Variants in CUL4A observed in about 807,000 individuals in gnomAD.
CUL4A encodes cullin-4A.
A neutral mutation model predicts 95.5 loss-of-function variants in CUL4A; 16 were observed. That is an observed-to-expected ratio of 0.17 (90% CI 0.11 to 0.25). The LOEUF (loss-of-function observed/expected upper bound fraction) is 0.25. Among genes scored for constraint, CUL4A ranks in the 10% least tolerant of loss-of-function variants. The probability of loss-of-function intolerance (pLI) is 1.00; values close to 1 mark genes in which losing one functional copy is unlikely to be tolerated. For synonymous variants in CUL4A, 380 were observed against 353.1 expected, an observed-to-expected ratio of 1.08 and a Z score of -0.85; for missense variants, 610 against 937.0, an observed-to-expected ratio of 0.65 and a Z score of 4.56.
At chr13:113,235,250 T>A in intron 8 of CUL4A, 105 bp downstream of exon 8, 1 of 730,500 alleles carries the variant, frequency 1.4e-6, no homozygotes, top group Admixed American at 2.7e-5. Context: ...CATTCAGTAC[T>A]AAGAGTGTTT....
chr13:113,231,358 TA>T (rs2041303112), intron 5 of CUL4A, among the ~76,000 whole-genome samples: 1 of 151,338 alleles, frequency 6.6e-6, no homozygotes, highest in Non-Finnish European at 1.5e-5. Flanking sequence ...AAAGAAAGAG[TA>T]GAAGGAAGCA....
At position 113,243,588 on chromosome 13, in the gene CUL4A, AT is replaced by A. The variant is rs550681745; in HGVS notation, c.1228+438del. Among the ~76,000 whole-genome samples, 638 of 150,638 alleles carry A rather than the reference AT, an allele frequency of 4.2e-3. 1 individual carries two copies. Among genetic ancestry groups the A allele is most frequent in the African/African-American group, 0.012 (493 of 41,128 alleles). ...TCATAGGCTTTCTCTAGTCAGTAAA[AT>A]TTTTTTTTTAATTCGAAGGAGAAAG... On this transcript the variant is annotated intron_variant, in intron 11 of 19. Coordinates refer to ENST00000375440, the MANE Select transcript of CUL4A (RefSeq NM_001008895.4).
intron 5 of CUL4A, 21 bp downstream of exon 5, chr13:113,229,540 G>T (rs1156410368): frequency 6.2e-7 from 1 of 1,601,424 alleles, no homozygotes; most frequent in East Asian, 2.2e-5. Flanking sequence ...TCACAGCGCA[G>T]AGCTGCGTCT....
intron 11 of CUL4A, among the ~76,000 whole-genome samples, chr13:113,244,062 A>G (rs901846411): frequency 6.6e-6 from 1 of 152,182 alleles, no homozygotes; most frequent in Non-Finnish European, 1.5e-5. Context: ...CATTCATGAC[A>G]CCAGATCCTA....
At chr13:113,224,667 A>G (rs1476478172) in intron 3 of CUL4A, among the ~76,000 whole-genome samples, 3 of 152,264 alleles carry the variant, frequency 2.0e-5, no homozygotes, top group African/African-American at 7.2e-5. Flanking sequence ...TCACTTGACC[A>G]GATATCGTGT....
chr13:113,263,277 CAA>C, intron 19 of CUL4A, among the ~76,000 whole-genome samples: 1 of 152,224 alleles, frequency 6.6e-6, no homozygotes, highest in South Asian at 2.1e-4. Flanking sequence ...CTTTTTTTAT[CAA>C]GAGATAACGT....
intron 19 of CUL4A, among the ~76,000 whole-genome samples, chr13:113,262,586 C>T (rs761164182): frequency 1.6e-4 from 24 of 152,272 alleles, no homozygotes; most frequent in Non-Finnish European, 2.9e-4. Context: ...GAGGTGGAGG[C>T]TGCAGTGAGC....
intron 15 of CUL4A, among the ~76,000 whole-genome samples, chr13:113,248,287 G>A (rs977151982): frequency 6.6e-6 from 1 of 152,022 alleles, no homozygotes; most frequent in Non-Finnish European, 1.5e-5. Flanking sequence ...TTTAGAAGTT[G>A]GCATTCTAAG....
At chr13:113,218,069 T>C (rs904108496) in intron 2 of CUL4A, among the ~76,000 whole-genome samples, 8 of 152,158 alleles carry the variant, frequency 5.3e-5, no homozygotes, top group Non-Finnish European at 1.0e-4. Flanking sequence ...AAACCCCTCC[T>C]CTACTGAAAA....
At chr13:113,237,085 A>T (rs538592263) in intron 9 of CUL4A, among the ~76,000 whole-genome samples, 195 bp downstream of exon 9, 1 of 152,326 alleles carries the variant, frequency 6.6e-6, no homozygotes, top group South Asian at 2.1e-4. Flanking sequence ...AATGGAAGGC[A>T]CCTAGTGGAA....
chr13:113,233,108 C>G (rs2041415335), intron 5 of CUL4A, 69 bp from the exon 6 acceptor site: 1 of 1,496,416 alleles, frequency 6.7e-7, no homozygotes, highest in Admixed American at 1.9e-5. Context: ...AATAGCATAG[C>G]TGGAGATTCA....
At position 113,254,678 on chromosome 13, in the gene CUL4A, G is replaced by A. The variant is rs201636299; in HGVS notation, c.1753-15G>A. ...ATGCACAGCTTCAGAGGTGTGATGAGGCCTTCTCTTCCAGGGGAAGAAGGA... is the reference window on the plus strand; with the variant it reads ...ATGCACAGCTTCAGAGGTGTGATGAAGCCTTCTCTTCCAGGGGAAGAAGGA... On this transcript the variant is annotated splice_polypyrimidine_tract_variant and intron_variant, in intron 16 of 19. Transcript: ENST00000375440. The A allele has an allele frequency of 6.5e-7, 1 of 1,530,454 alleles. No homozygotes were observed. Among genetic ancestry groups the A allele is most frequent in the South Asian group, 1.1e-5 (1 of 87,148 alleles). 94.8% of individuals were successfully genotyped at this position (1,530,454 alleles called of 1,614,324 possible).
chr13:113,212,188 G>A (rs548528429), intron 2 of CUL4A, among the ~76,000 whole-genome samples: 1 of 152,178 alleles, frequency 6.6e-6, no homozygotes, highest in African/African-American at 2.4e-5. Flanking sequence ...AGTTTATTAT[G>A]TATTCTGGAT....
intron 5 of CUL4A, chr13:113,229,853 A>G (rs2041245765): frequency 4.3e-6 from 2 of 465,388 alleles, no homozygotes; most frequent in Non-Finnish European, 7.5e-6. Flanking sequence ...ACTCGGAGAA[A>G]GACTGCCTGC....
At chr13:113,232,651 C>A (rs180919649) in intron 5 of CUL4A, among the ~76,000 whole-genome samples, 5 of 152,312 alleles carry the variant, frequency 3.3e-5, no homozygotes, top group African/African-American at 9.6e-5. Flanking sequence ...CTGCGATGAA[C>A]TCTGAAAGCT....
upstream of CUL4A, chr13:113,208,661 A>AC: frequency 6.3e-7 from 1 of 1,599,546 alleles, no homozygotes. Flanking sequence ...GGAGAGCGCC[A>AC]CCCCCTACGC....
chr13:113,244,593 T>C, intron 12 of CUL4A, 79 bp downstream of exon 12: 1 of 1,010,042 alleles, frequency 9.9e-7, no homozygotes, highest in Non-Finnish European at 1.5e-6. Context: ...AGGTTTAGCA[T>C]GAGAATGTCA....
At chr13:113,239,188 G>A (rs948940574) in intron 9 of CUL4A, among the ~76,000 whole-genome samples, 6 of 152,130 alleles carry the variant, frequency 3.9e-5, no homozygotes, top group African/African-American at 1.4e-4. Flanking sequence ...AAATAAGAGG[G>A]CTTCAATGAC....
At chr13:113,246,129 C>G in intron 15 of CUL4A, 66 bp downstream of exon 15, 1 of 1,218,834 alleles carries the variant, frequency 8.2e-7, no homozygotes, top group African/African-American at 1.5e-5. Flanking sequence ...AGATATGTTG[C>G]CTTCAAGAAT....
Sources: gnomAD v4.1 joint callset for allele counts (sites outside exome capture counted in the v4.1 genomes callset) on GRCh38, gnomAD v4.1.1 for gene constraint, MANE v1.5 for transcripts, NCBI Gene and HGNC (gene_info 2026-07-23, HGNC 2026-07-21) for gene names.